LRP1B: variants seen among roughly 807,000 people sequenced by gnomAD.
LRP1B encodes the protein low-density lipoprotein receptor-related protein 1B.
LRP1B carries 217 observed loss-of-function variants against 556.6 expected under a neutral mutation model. The ratio of observed to expected loss-of-function variants is 0.39; its 90% CI spans 0.35 to 0.44. LRP1B has a LOEUF of 0.44. LRP1B is among the 20% of genes least tolerant of loss of function. The probability of loss-of-function intolerance (pLI) is 1.00; values close to 1 mark genes in which losing one functional copy is unlikely to be tolerated. For synonymous variants in LRP1B, 2,047 were observed against 1,865.8 expected, an observed-to-expected ratio of 1.10 and a Z score of -2.50; for missense variants, 5,053 against 5,620.8, an observed-to-expected ratio of 0.90 and a Z score of 3.23.
rs1440075478 is a variant in LRP1B at position 142,009,734 on chromosome 2, T to A, written c.82+120914A>T. ...CTAAGTTCATATATATGTGTATGCA[T>A]GCATGTGTATTTTATGTGAATTGTA... On this transcript the variant is annotated intron_variant, in intron 1 of 90. Transcript: ENST00000389484. 2.0e-5 allele frequency among the ~76,000 whole-genome samples: 3 copies of A among 152,212 alleles called. No individual in the cohort carries two copies. The East Asian group carries it at 5.8e-4, about 29-fold the overall frequency.
At chr2:141,047,060 A>AT (rs146615273) in intron 11 of LRP1B, among the ~76,000 whole-genome samples, 93,794 of 132,924 alleles carry the variant, frequency 0.71, 30,781 homozygotes, top group Non-Finnish European at 0.75. Context: ...AAAATTAATA[A>AT]TAATAATAAT....
chr2:141,473,043 G>C (rs1448075090), intron 3 of LRP1B, among the ~76,000 whole-genome samples: 4 of 48,296 alleles, frequency 8.3e-5, no homozygotes, highest in African/African-American at 2.5e-4. Context: ...TATTTACTTA[G>C]TTAGCTAGCT....
At chr2:140,344,220 C>T (rs532886209) in intron 77 of LRP1B, among the ~76,000 whole-genome samples, 8 of 151,834 alleles carry the variant, frequency 5.3e-5, no homozygotes, top group South Asian at 4.1e-4. Flanking sequence ...TATAAGGAAT[C>T]GTTTTCACTT....
chr2:141,330,342 T>A (rs182583658), intron 3 of LRP1B, among the ~76,000 whole-genome samples: 2 of 109,344 alleles, frequency 1.8e-5, no homozygotes, highest in African/African-American at 4.1e-5. Flanking sequence ...TGACAATCGA[T>A]CTCACATGTT....
At chr2:140,329,555 T>C (rs1253622313) in intron 79 of LRP1B, among the ~76,000 whole-genome samples, 2 of 152,040 alleles carry the variant, frequency 1.3e-5, no homozygotes. Context: ...AGTCTTAGGA[T>C]ACCAAATCAA....
At chr2:140,896,289 T>C (rs995540297) in intron 23 of LRP1B, among the ~76,000 whole-genome samples, 1 of 151,996 alleles carries the variant, frequency 6.6e-6, no homozygotes, top group Non-Finnish European at 1.5e-5. Context: ...ATAAAAATTA[T>C]AAAAGTAGCA....
At chr2:142,120,021 G>T (rs1488066217) in intron 1 of LRP1B, among the ~76,000 whole-genome samples, 1 of 152,058 alleles carries the variant, frequency 6.6e-6, no homozygotes, top group Non-Finnish European at 1.5e-5. Flanking sequence ...GGCTCTAATT[G>T]TCCAACAGGT....
intron 4 of LRP1B, among the ~76,000 whole-genome samples, chr2:141,252,088 C>T (rs1193065216): frequency 1.3e-5 from 2 of 151,920 alleles, no homozygotes; most frequent in Non-Finnish European, 2.9e-5. Flanking sequence ...GTCTCTCATG[C>T]TAGAGAGCTG....
intron 1 of LRP1B, among the ~76,000 whole-genome samples, chr2:142,060,885 C>T (rs1441671046): frequency 6.6e-6 from 1 of 151,904 alleles, no homozygotes. Context: ...AGATATGAGG[C>T]ATGAAAGCAT....
intron 1 of LRP1B, among the ~76,000 whole-genome samples, chr2:141,838,028 C>T (rs570782453): frequency 3.9e-5 from 6 of 152,170 alleles, no homozygotes; most frequent in East Asian, 3.9e-4. Context: ...GGTAGGGTCC[C>T]GTGGGTTTAG....
intron 6 of LRP1B, among the ~76,000 whole-genome samples, chr2:141,226,318 C>T (rs943474062): frequency 2.6e-5 from 4 of 152,028 alleles, no homozygotes; most frequent in African/African-American, 4.8e-5. Context: ...AGTAAAAATG[C>T]CATCTATTAT....
rs2105164130 is a variant in LRP1B at position 140,370,616 on chromosome 2, C to G, written c.11008+94G>C. On this transcript the variant is annotated intron_variant, in intron 71 of 90. Coordinates refer to ENST00000389484, the MANE Select transcript of LRP1B (RefSeq NM_018557.3). Reference sequence around the variant, plus strand: ...GAGTAAAGAGAATTATTTAAAGATTCTATCCTCTGCCTCTAGCATACACTG... The same window carrying G: ...GAGTAAAGAGAATTATTTAAAGATTGTATCCTCTGCCTCTAGCATACACTG... 2.1e-6 allele frequency: 3 copies of G among 1,457,198 alleles called. No individual in the cohort carries two copies. In the Admixed American group the frequency reaches 6.4e-5, roughly 31 times the overall value. The allele number at this position is 1,457,198 out of a possible 1,614,324, so 90.3% of individuals were successfully genotyped here.
chr2:140,792,280 C>A (rs1303059458), intron 32 of LRP1B, among the ~76,000 whole-genome samples: 1 of 151,980 alleles, frequency 6.6e-6, no homozygotes, highest in Non-Finnish European at 1.5e-5. Context: ...GTCAATCTAT[C>A]CTTTGTTAGT....
intron 7 of LRP1B, among the ~76,000 whole-genome samples, chr2:141,142,470 A>G (rs1210450421): frequency 6.6e-6 from 1 of 152,256 alleles, no homozygotes; most frequent in Non-Finnish European, 1.5e-5. Flanking sequence ...ACCTTTAACA[A>G]GGACTCTTTA....
intron 35 of LRP1B, among the ~76,000 whole-genome samples, chr2:140,758,489 AG>A (rs1181156250): frequency 1.1e-4 from 16 of 152,188 alleles, no homozygotes; most frequent in Non-Finnish European, 2.2e-4. Context: ...AACAAATAAA[AG>A]TATTTAACCA....
intron 60 of LRP1B, among the ~76,000 whole-genome samples, chr2:140,473,680 T>G (rs934889826): frequency 5.3e-5 from 8 of 151,914 alleles, no homozygotes; most frequent in Non-Finnish European, 1.2e-4. Flanking sequence ...TGTTTTTAAA[T>G]AGTCACCTAC....
chr2:141,593,263 G>A (rs1481881012), intron 2 of LRP1B, among the ~76,000 whole-genome samples: 1 of 152,130 alleles, frequency 6.6e-6, no homozygotes. Flanking sequence ...AACAGCTTCA[G>A]TGTATTTCTA....
At chr2:142,016,476 C>A (rs1703133504) in intron 1 of LRP1B, among the ~76,000 whole-genome samples, 1 of 152,116 alleles carries the variant, frequency 6.6e-6, no homozygotes, top group Non-Finnish European at 1.5e-5. Context: ...GGCACATATA[C>A]ACAATAGAAT....
At chr2:141,913,902 A>G (rs1487885810) in intron 1 of LRP1B, among the ~76,000 whole-genome samples, 2 of 152,050 alleles carry the variant, frequency 1.3e-5, no homozygotes, top group African/African-American at 4.8e-5. Flanking sequence ...ACGTACCACC[A>G]CACCCAGGTA....
Sources: gnomAD v4.1 joint callset for allele counts (sites outside exome capture counted in the v4.1 genomes callset) on GRCh38, gnomAD v4.1.1 for gene constraint, MANE v1.5 for transcripts, NCBI Gene and HGNC (gene_info 2026-07-23, HGNC 2026-07-21) for gene names.